The following RALGAPA1 variants were observed in gnomAD, a reference collection of about 807,000 sequenced individuals.
RALGAPA1 encodes ral GTPase-activating protein subunit alpha-1.
RALGAPA1 carries 52 observed loss-of-function variants against 269.6 expected under a neutral mutation model. That is an observed-to-expected ratio of 0.19 (90% CI 0.15 to 0.24). The LOEUF (loss-of-function observed/expected upper bound fraction) is 0.24. Among genes scored for constraint, RALGAPA1 ranks in the 10% least tolerant of loss-of-function variants. The pLI is 1.00. For synonymous variants in RALGAPA1, 817 were observed against 1,008.3 expected, an observed-to-expected ratio of 0.81 and a Z score of 3.60; for missense variants, 1,917 against 3,013.9, an observed-to-expected ratio of 0.64 and a Z score of 8.52.
chr14:35,628,455 T>C (rs2061125388), intron 33 of RALGAPA1, among the ~76,000 whole-genome samples: 1 of 152,184 alleles, frequency 6.6e-6, no homozygotes, highest in Admixed American at 6.5e-5. Flanking sequence ...AGCAAGACCA[T>C]GTCTCCCACA....
Position 35,627,846 on chromosome 14 carries a change from A to C in RALGAPA1, c.6101T>G (p.Met2034Arg), listed in dbSNP as rs752933482. Residue 2034 changes from methionine to arginine, a missense_variant, in exon 34 of 42, where the codon ATG becomes AGG. Physicochemically the swap from Met to Arg is moderately conservative, Grantham distance 91. Coordinates refer to ENST00000680220, the MANE Select transcript of RALGAPA1 (RefSeq NM_001346249.2). ...GHYPMSGGPA[M>R]LTSQVCENHD... ...ATTTTCACACACCTGACTTGTTAGC[A>C]TAGCAGGACCACCGCTCATTGGATA... 2 of 1,592,970 alleles carry C rather than the reference A, an allele frequency of 1.3e-6. No individual in the cohort carries two copies. The highest frequency in any genetic ancestry group is 2.2e-5 in the South Asian group (2 of 89,114).
chr14:35,705,629 T>C (rs890284685), intron 16 of RALGAPA1, among the ~76,000 whole-genome samples: 4 of 152,206 alleles, frequency 2.6e-5, no homozygotes, highest in Admixed American at 1.3e-4. Flanking sequence ...TAAATATTCA[T>C]GTGCAGATGT....
chr14:35,711,918 G>A (rs1481158985), intron 16 of RALGAPA1, among the ~76,000 whole-genome samples: 2 of 152,064 alleles, frequency 1.3e-5, no homozygotes, highest in African/African-American at 2.4e-5. Flanking sequence ...TATGTTTTCG[G>A]TTTGTTGAAC....
chr14:35,626,250 G>A (rs1383043924), intron 34 of RALGAPA1, among the ~76,000 whole-genome samples: 2 of 152,116 alleles, frequency 1.3e-5, no homozygotes, highest in Non-Finnish European at 2.9e-5. Context: ...TTTAAATCAA[G>A]TAAGAGTATA....
intron 12 of RALGAPA1, among the ~76,000 whole-genome samples, chr14:35,736,973 T>C (rs1429883319): frequency 6.6e-6 from 1 of 151,306 alleles, no homozygotes; most frequent in Non-Finnish European, 1.5e-5. Context: ...GAGGCAGAGG[T>C]TGCAGTGAGC....
At chr14:35,585,831 A>T (rs1452012710) in intron 37 of RALGAPA1, among the ~76,000 whole-genome samples, 1 of 151,878 alleles carries the variant, frequency 6.6e-6, no homozygotes, top group Non-Finnish European at 1.5e-5. Flanking sequence ...TGGTACCAGT[A>T]CCATCCTGTT....
At chr14:35,765,947 A>C in intron 4 of RALGAPA1, 1 of 1,365,220 alleles carries the variant, frequency 7.3e-7, no homozygotes, top group Non-Finnish European at 1.0e-6. Context: ...TATTTGGACC[A>C]GTTAAAAACC....
intron 37 of RALGAPA1, among the ~76,000 whole-genome samples, chr14:35,586,470 G>T (rs768235301): frequency 6.6e-6 from 1 of 152,148 alleles, no homozygotes; most frequent in African/African-American, 2.4e-5. Flanking sequence ...GCCCTGGCCA[G>T]AACTTCCAAC....
chr14:35,773,800 C>A (rs890456647), intron 3 of RALGAPA1, among the ~76,000 whole-genome samples: 1 of 152,046 alleles, frequency 6.6e-6, no homozygotes, highest in Non-Finnish European at 1.5e-5. Context: ...CTGTTTGGAA[C>A]TCTTAAAAAA....
intron 39 of RALGAPA1, among the ~76,000 whole-genome samples, chr14:35,562,634 C>T (rs959996623): frequency 1.3e-5 from 2 of 152,086 alleles, no homozygotes. Context: ...CCTCTTCTTA[C>T]CTACCCAGTA....
intron 39 of RALGAPA1, among the ~76,000 whole-genome samples, chr14:35,557,616 T>G (rs930561455): frequency 5.9e-5 from 9 of 152,300 alleles, no homozygotes; most frequent in Admixed American, 3.9e-4. Flanking sequence ...TTAAATACAA[T>G]CTATTCTGCA....
chr14:35,748,174 C>T (rs1387851548), intron 10 of RALGAPA1, among the ~76,000 whole-genome samples: 3 of 151,618 alleles, frequency 2.0e-5, no homozygotes, highest in African/African-American at 7.3e-5. Context: ...CTAAAAGTAT[C>T]ACAAACTAAA....
At chr14:35,629,036 C>G (rs1183552869) in intron 33 of RALGAPA1, among the ~76,000 whole-genome samples, 1 of 151,850 alleles carries the variant, frequency 6.6e-6, no homozygotes, top group East Asian at 1.9e-4. Flanking sequence ...GAGACAGTAA[C>G]GAGGTAAAGG....
At chr14:35,712,573 A>G (rs1035744414) in intron 16 of RALGAPA1, among the ~76,000 whole-genome samples, 3 of 152,104 alleles carry the variant, frequency 2.0e-5, no homozygotes, top group Non-Finnish European at 4.4e-5. Flanking sequence ...CAGTGGTGCA[A>G]TCATAGCTCA....
intron 22 of RALGAPA1, chr14:35,677,518 C>G (rs1288897548): frequency 6.5e-6 from 1 of 153,020 alleles, no homozygotes; most frequent in African/African-American, 2.4e-5. Context: ...GACAAATTTG[C>G]TGAATCAAAA....
intron 39 of RALGAPA1, among the ~76,000 whole-genome samples, chr14:35,550,366 G>T (rs935526938): frequency 6.6e-6 from 1 of 152,034 alleles, no homozygotes; most frequent in Non-Finnish European, 1.5e-5. Flanking sequence ...ATAAAAATTT[G>T]TCTACTTGTT....
intron 1 of RALGAPA1, among the ~76,000 whole-genome samples, chr14:35,793,434 T>C (rs2076338443): frequency 6.6e-6 from 1 of 151,876 alleles, no homozygotes; most frequent in Non-Finnish European, 1.5e-5. Flanking sequence ...ACAGGGTTTC[T>C]CCATGTTGAG....
intron 26 of RALGAPA1, among the ~76,000 whole-genome samples, chr14:35,666,772 T>C (rs748317558): frequency 6.6e-6 from 1 of 152,208 alleles, no homozygotes; most frequent in African/African-American, 2.4e-5. Flanking sequence ...TTACATAAAA[T>C]AGATGCCTTA....
intron 37 of RALGAPA1, among the ~76,000 whole-genome samples, chr14:35,575,360 G>T (rs1396743448): frequency 6.6e-6 from 1 of 152,090 alleles, no homozygotes; most frequent in Non-Finnish European, 1.5e-5. Context: ...ATATAACATA[G>T]GCTACAGATG....
Sources: allele counts gnomAD v4.1 joint callset (sites outside exome capture counted in the v4.1 genomes callset), GRCh38; gene constraint gnomAD v4.1.1; transcripts MANE v1.5; gene names NCBI Gene and HGNC (gene_info 2026-07-23, HGNC 2026-07-21).